The following BZW2 variants were observed in gnomAD, a reference collection of about 807,000 sequenced individuals.
The protein encoded by BZW2 is eIF5-mimic protein 1.
In BZW2, 23 loss-of-function variants were observed where a neutral mutation model predicts 53.2. The ratio of observed to expected loss-of-function variants is 0.43; its 90% CI spans 0.31 to 0.61. The LOEUF (loss-of-function observed/expected upper bound fraction) is 0.61, where lower values mean the gene tolerates loss of function less well. Among genes scored for constraint, BZW2 ranks in the 20% least tolerant of loss-of-function variants. The pLI is 0.09. For missense variants in BZW2, 409 were observed against 503.1 expected, an observed-to-expected ratio of 0.81 and a Z score of 1.79; for synonymous variants, 227 against 186.4, an observed-to-expected ratio of 1.22 and a Z score of -1.77.
intron 1 of BZW2, among the ~76,000 whole-genome samples, chr7:16,659,375 C>A (rs1455474252): frequency 6.6e-6 from 1 of 152,044 alleles, no homozygotes; most frequent in Non-Finnish European, 1.5e-5. Context: ...GGATATTAAA[C>A]AAGCTAATGT....
chr7:16,649,613 G>C (rs1781941288), intron 1 of BZW2, among the ~76,000 whole-genome samples: 2 of 152,106 alleles, frequency 1.3e-5, no homozygotes, highest in South Asian at 4.1e-4. Flanking sequence ...ACATCTTTCA[G>C]GGTACTGTTT....
rs182130000 is a variant in BZW2, at chr7:16,668,983, A to T, written c.58+3482A>T. On this transcript the variant is annotated intron_variant, in intron 2 of 11. Transcript: ENST00000258761. Reference sequence around the variant, plus strand: ...GCTTTGCTAAATGAAACATTTAATAATCAAACTGTTCTTTCTGTACATTTT... The same window carrying T: ...GCTTTGCTAAATGAAACATTTAATATTCAAACTGTTCTTTCTGTACATTTT... 1.1e-3 allele frequency among the ~76,000 whole-genome samples: 167 copies of T among 152,310 alleles called. 4 individuals carry two copies. In the South Asian group the frequency reaches 0.017, roughly 16 times the overall value.
At chr7:16,669,788 C>CT (rs1198442414) in intron 2 of BZW2, among the ~76,000 whole-genome samples, 1 of 152,154 alleles carries the variant, frequency 6.6e-6, no homozygotes, top group Non-Finnish European at 1.5e-5. Flanking sequence ...ATGACTAACT[C>CT]TTGAGTATCA....
chr7:16,653,237 G>A (rs1782031303), intron 1 of BZW2, among the ~76,000 whole-genome samples: 1 of 152,144 alleles, frequency 6.6e-6, no homozygotes. Context: ...CTCCAAAACA[G>A]AATTCTCTCA....
chr7:16,693,044 A>G (rs1209094981), intron 7 of BZW2, among the ~76,000 whole-genome samples: 1 of 152,196 alleles, frequency 6.6e-6, no homozygotes, highest in Non-Finnish European at 1.5e-5. Context: ...GGCCCATATC[A>G]TCTAGGGCTT....
chr7:16,681,788 T>G (rs1399203572), intron 4 of BZW2, among the ~76,000 whole-genome samples: 1 of 152,160 alleles, frequency 6.6e-6, no homozygotes, highest in Non-Finnish European at 1.5e-5. Context: ...GCTGAGATCG[T>G]GCCACTGCTC....
chr7:16,664,463 C>T (rs757848204), intron 1 of BZW2, among the ~76,000 whole-genome samples: 4 of 152,152 alleles, frequency 2.6e-5, no homozygotes, highest in East Asian at 1.9e-4. Context: ...ACGATCTTTC[C>T]TGAAAGAGAG....
chr7:16,652,060 A>G (rs1398367624), intron 1 of BZW2, among the ~76,000 whole-genome samples: 2 of 152,130 alleles, frequency 1.3e-5, no homozygotes, highest in Admixed American at 6.6e-5. Flanking sequence ...TTCCATGTAC[A>G]TAAGCTCCAG....
In BZW2 at chr7:16,662,659, G is replaced by A. The variant is rs578037638; in HGVS notation, c.-7-2778G>A. ...TAGCCTGGCACAGTGGTGTGCGCCTGTAATCCTAGTTACTCAAGAGGCTGA... is the reference window on the plus strand; with the variant it reads ...TAGCCTGGCACAGTGGTGTGCGCCTATAATCCTAGTTACTCAAGAGGCTGA... On this transcript the variant is annotated intron_variant, in intron 1 of 11. Coordinates refer to ENST00000258761, the MANE Select transcript of BZW2 (RefSeq NM_014038.3). Among the ~76,000 whole-genome samples, 6 of 152,308 alleles carry A rather than the reference G, an allele frequency of 3.9e-5. No individual in the cohort carries two copies. In the East Asian group the frequency reaches 1.2e-3, roughly 29 times the overall value.
chr7:16,704,528 C>T lies in BZW2; in HGVS notation c.1109-19C>T. ...GACATTTGTATAGTAACTTTGAAAT[C>T]TTTGATTTAAAATTGCAGCTGATGT... On this transcript the variant is annotated intron_variant, in intron 10 of 11. Transcript: ENST00000258761. The T allele has an allele frequency of 1.3e-6, 2 of 1,504,426 alleles. No individual in the cohort carries two copies. The highest frequency in any genetic ancestry group is 1.3e-5 in the South Asian group (1 of 74,648). The allele number at this position is 1,504,426 out of a possible 1,614,324, so 93.2% of individuals were successfully genotyped here.
chr7:16,695,612 T>TATAA (rs751482441), intron 8 of BZW2, among the ~76,000 whole-genome samples: 8 of 152,150 alleles, frequency 5.3e-5, no homozygotes, highest in Non-Finnish European at 1.2e-4. Context: ...AAGCAATGAC[T>TATAA]ATATCTTTTT....
intron 8 of BZW2, among the ~76,000 whole-genome samples, chr7:16,695,403 G>A (rs1283816133): frequency 1.3e-5 from 2 of 152,094 alleles, no homozygotes; most frequent in Non-Finnish European, 2.9e-5. Context: ...TGGATTTTTT[G>A]TTCATCACTC....
At chr7:16,655,632 G>T (rs1782103645) in intron 1 of BZW2, among the ~76,000 whole-genome samples, 1 of 152,074 alleles carries the variant, frequency 6.6e-6, no homozygotes, top group South Asian at 2.1e-4. Flanking sequence ...CTTCCTAACT[G>T]TAACTCTGTA....
intron 1 of BZW2, among the ~76,000 whole-genome samples, chr7:16,655,746 C>G (rs760759386): frequency 7.2e-5 from 11 of 152,104 alleles, no homozygotes; most frequent in Admixed American, 2.0e-4. Flanking sequence ...TTTTTAGATT[C>G]TACATGAGTG....
chr7:16,656,037 A>C (rs1782111675), intron 1 of BZW2, among the ~76,000 whole-genome samples: 1 of 151,984 alleles, frequency 6.6e-6, no homozygotes, highest in African/African-American at 2.4e-5. Flanking sequence ...CCATAATTTT[A>C]TCTTTATACT....
rs1402696585 is a variant in BZW2 at position 16,704,451 on chromosome 7, TAAA to T, written c.1109-94_1109-92del. On this transcript the variant is annotated intron_variant, in intron 10 of 11. Coordinates refer to ENST00000258761, the MANE Select transcript of BZW2 (RefSeq NM_014038.3). ...GATAAGTAACAGAATGCTTTATATTTAAAATGATTGCTTTCTATTAAACTGTAA... is the reference window on the plus strand; with the variant it reads ...GATAAGTAACAGAATGCTTTATATTTATGATTGCTTTCTATTAAACTGTAA... 4.0e-6 allele frequency: 5 copies of T among 1,261,070 alleles called. No homozygotes were observed. The Admixed American group carries it at 1.3e-4, about 33-fold the overall frequency. The allele number at this position is 1,261,070 out of a possible 1,614,324, so 78.1% of individuals were successfully genotyped here.
At chr7:16,685,656 T>C (rs1314043773) in intron 5 of BZW2, among the ~76,000 whole-genome samples, 1 of 152,176 alleles carries the variant, frequency 6.6e-6, no homozygotes, top group East Asian at 1.9e-4. Context: ...TTCCTTTCCA[T>C]GAATGTTATC....
Position 16,706,121 on chromosome 7 carries a change from C to G in BZW2, c.*33C>G. The G allele has an allele frequency of 6.2e-7, 1 of 1,607,038 alleles. No individual in the cohort carries two copies. Among genetic ancestry groups the G allele is most frequent in the Non-Finnish European group, 8.5e-7 (1 of 1,175,812 alleles). ...AACAAGCACAATACCTAGGTTACCACACACCACTTTTTGATTGGGAATGCT... is the reference window on the plus strand; with the variant it reads ...AACAAGCACAATACCTAGGTTACCAGACACCACTTTTTGATTGGGAATGCT... On this transcript the variant is annotated 3_prime_UTR_variant, in exon 12 of 12. Coordinates refer to ENST00000258761, the MANE Select transcript of BZW2 (RefSeq NM_014038.3).
At chr7:16,704,514 A>G (rs781426325) in intron 10 of BZW2, 33 bp from the exon 11 acceptor site, 21 of 1,495,310 alleles carry the variant, frequency 1.4e-5, no homozygotes, top group African/African-American at 5.5e-5. Context: ...ACATTTGTAT[A>G]GTAACTTTGA....
Sources: allele counts gnomAD v4.1 joint callset (sites outside exome capture counted in the v4.1 genomes callset), GRCh38; gene constraint gnomAD v4.1.1; transcripts MANE v1.5; gene names NCBI Gene and HGNC (gene_info 2026-07-23, HGNC 2026-07-21).